AHCYL2: variants seen among roughly 807,000 people sequenced by gnomAD.
AHCYL2 encodes S-adenosylhomocysteine hydrolase-like protein 2.
Under a neutral mutation model 81.4 loss-of-function variants are expected in AHCYL2, and 28 were observed. That is an observed-to-expected ratio of 0.34 (90% CI 0.25 to 0.47). The LOEUF is 0.47. Ranked by LOEUF, AHCYL2 falls within the 20% of genes least tolerant of loss-of-function variation. The pLI, the probability that AHCYL2 is intolerant of heterozygous loss-of-function variation, is 1.00. For synonymous variants in AHCYL2, 272 were observed against 290.2 expected (o/e 0.94, Z 0.64); for missense variants, 551 against 785.1 (o/e 0.70, Z 3.56).
intron 1 of AHCYL2, among the ~76,000 whole-genome samples, chr7:129,286,873 T>G (rs2150746058): frequency 6.6e-6 from 1 of 152,344 alleles, no homozygotes; most frequent in East Asian, 1.9e-4. Flanking sequence ...AAATATTGAT[T>G]GATTGATTGA....
At chr7:129,396,088 G>A (rs759721834) in intron 4 of AHCYL2, among the ~76,000 whole-genome samples, 7 of 152,032 alleles carry the variant, frequency 4.6e-5, no homozygotes, top group Non-Finnish European at 7.4e-5. Flanking sequence ...GGGTTTGTGT[G>A]TGTTTGTGTG....
intron 1 of AHCYL2, among the ~76,000 whole-genome samples, chr7:129,274,144 T>C (rs185256089): frequency 1.5e-4 from 23 of 152,370 alleles, no homozygotes; most frequent in African/African-American, 5.0e-4. Flanking sequence ...GTAACTGTTA[T>C]GTGTCTCCTG....
intron 1 of AHCYL2, among the ~76,000 whole-genome samples, chr7:129,226,399 C>T (rs564477143): frequency 6.6e-6 from 1 of 152,114 alleles, no homozygotes; most frequent in Non-Finnish European, 1.5e-5. Context: ...AAAAACAGGG[C>T]AAGTATTGGA....
In AHCYL2 at chr7:129,366,145, G is replaced by A. The variant is rs550129108; in HGVS notation, c.364-13493G>A. Among the ~76,000 whole-genome samples the A allele has an allele frequency of 1.6e-4, 25 of 152,042 alleles. No individual in the cohort carries two copies. The East Asian group carries it at 4.6e-3, about 28-fold the overall frequency. Reference sequence around the variant, plus strand: ...CCTGTGTCCTGACATCACTCAAGTCGCCTCAACTCCATAGCTCCTCTATGA... The same window carrying A: ...CCTGTGTCCTGACATCACTCAAGTCACCTCAACTCCATAGCTCCTCTATGA... On this transcript the variant is annotated intron_variant, in intron 1 of 16. Coordinates refer to ENST00000325006, the MANE Select transcript of AHCYL2 (RefSeq NM_015328.4).
At position 129,368,918 on chromosome 7, in the gene AHCYL2, T is replaced by C. The variant is rs34022136; in HGVS notation, c.364-10720T>C. Among the ~76,000 whole-genome samples the C allele has an allele frequency of 0.26, 39,904 of 152,058 alleles. 6,634 individuals are homozygous for C. Among genetic ancestry groups the C allele is most frequent in the East Asian group, 0.6 (3,098 of 5,162 alleles). On this transcript the variant is annotated intron_variant, in intron 1 of 16. Transcript: ENST00000325006. The surrounding 1 kb of genome is among the most constrained non-coding windows in gnomAD (Gnocchi z 4.4). The stretch of plus-strand genomic sequence containing the variant: ...CTCTGGGGGTAAAGAAAAAGAACAA[T>C]GAGGAGAAAAAACAAAAACAGAACT...
At chr7:129,249,912 G>A (rs1795193328) in intron 1 of AHCYL2, among the ~76,000 whole-genome samples, 1 of 152,052 alleles carries the variant, frequency 6.6e-6, no homozygotes, top group African/African-American at 2.4e-5. Flanking sequence ...TCTTTTTAAG[G>A]CCGAGTAATA....
chr7:129,424,757 T>C lies in AHCYL2; in HGVS notation c.1561-117T>C, dbSNP rs1362986147. ...TTATATATTGAATAGCTGCTTTTTTTCCAGCAGTGTTAGTCAGGAAGTGTT... is the reference window on the plus strand; with the variant it reads ...TTATATATTGAATAGCTGCTTTTTTCCCAGCAGTGTTAGTCAGGAAGTGTT... On this transcript the variant is annotated intron_variant, in intron 13 of 16. Transcript: ENST00000325006. 3.8e-6 allele frequency: 4 copies of C among 1,053,192 alleles called. No individual in the cohort carries two copies. In the East Asian group the frequency reaches 7.1e-5, roughly 19 times the overall value. 65.2% of individuals were successfully genotyped at this position (1,053,192 alleles called of 1,614,324 possible). A position where few individuals can be genotyped will look rare whatever the true frequency, so the allele number is the denominator to read the frequency against.
At chr7:129,410,347 G>C (rs958754492) in intron 11 of AHCYL2, 4 of 1,614,048 alleles carry the variant, frequency 2.5e-6, no homozygotes, top group Non-Finnish European at 3.4e-6. Context: ...TTAGCTCTAG[G>C]CGTGTTGGTT....
At chr7:129,378,318 A>T (rs535645689) in intron 1 of AHCYL2, among the ~76,000 whole-genome samples, 5 of 152,238 alleles carry the variant, frequency 3.3e-5, no homozygotes, top group South Asian at 2.1e-4. Flanking sequence ...CTAAAAAAAA[A>T]AAAATAAATT....
intron 2 of AHCYL2, among the ~76,000 whole-genome samples, chr7:129,383,877 A>G (rs192696725): frequency 5.2e-4 from 79 of 152,278 alleles, no homozygotes; most frequent in African/African-American, 1.4e-3. Flanking sequence ...AAAATTATCA[A>G]CTTCTCACTG....
At chr7:129,376,293 C>G (rs1397298515) in intron 1 of AHCYL2, among the ~76,000 whole-genome samples, 1 of 152,156 alleles carries the variant, frequency 6.6e-6, no homozygotes, top group Non-Finnish European at 1.5e-5. Flanking sequence ...CACCAGGGAG[C>G]CACTTAACTC....
At chr7:129,267,460 A>G (rs551554992) in intron 1 of AHCYL2, among the ~76,000 whole-genome samples, 3 of 152,148 alleles carry the variant, frequency 2.0e-5, no homozygotes, top group Non-Finnish European at 2.9e-5. Flanking sequence ...GCCTGCCACC[A>G]TGCCTGGCTA....
chr7:129,271,721 T>A (rs1296904892), intron 1 of AHCYL2, among the ~76,000 whole-genome samples: 1 of 152,194 alleles, frequency 6.6e-6, no homozygotes, highest in Non-Finnish European at 1.5e-5. Context: ...TTCCTCCATT[T>A]AATAGAAAGC....
intron 1 of AHCYL2, among the ~76,000 whole-genome samples, chr7:129,259,320 A>C (rs1282538251): frequency 6.6e-6 from 1 of 152,182 alleles, no homozygotes; most frequent in African/African-American, 2.4e-5. Flanking sequence ...TTGGTCTCAA[A>C]TCTTAATTTT....
chr7:129,318,534 A>G (rs757143699), intron 1 of AHCYL2, among the ~76,000 whole-genome samples: 6 of 152,276 alleles, frequency 3.9e-5, no homozygotes, highest in Non-Finnish European at 8.8e-5. Context: ...GGTGGTGGGT[A>G]AGATTGTGGA....
At chr7:129,256,545 CCCCA>C (rs1287664472) in intron 1 of AHCYL2, among the ~76,000 whole-genome samples, 20 of 25,522 alleles carry the variant, frequency 7.8e-4, no homozygotes, top group African/African-American at 1.5e-3. Flanking sequence ...GCCCCCCACC[CCCCA>C]CCCCCCCCCC....
intron 1 of AHCYL2, among the ~76,000 whole-genome samples, chr7:129,366,025 A>G (rs1299508438): frequency 6.6e-6 from 1 of 152,142 alleles, no homozygotes; most frequent in Non-Finnish European, 1.5e-5. Flanking sequence ...TTAAAGGAAG[A>G]CAGAGGACAA....
intron 1 of AHCYL2, among the ~76,000 whole-genome samples, chr7:129,351,176 A>G (rs968354365): frequency 2.6e-5 from 4 of 152,212 alleles, no homozygotes; most frequent in African/African-American, 4.8e-5. Context: ...AGTCAAAGAT[A>G]TATACTTATT....
chr7:129,324,083 A>C (rs1213497099), intron 1 of AHCYL2, among the ~76,000 whole-genome samples: 4 of 101,510 alleles, frequency 3.9e-5, no homozygotes, highest in Non-Finnish European at 8.8e-5. Context: ...ATTTTTGTAG[A>C]TGTTGGCCAG....
Sources: gnomAD v4.1 joint callset for allele counts (sites outside exome capture counted in the v4.1 genomes callset) on GRCh38, gnomAD v4.1.1 for gene constraint, Gnocchi (gnomAD v3.1) non-coding constraint, MANE v1.5 for transcripts, NCBI Gene and HGNC (gene_info 2026-07-23, HGNC 2026-07-21) for gene names.